ALDH1L1: variants seen among roughly 807,000 people sequenced by gnomAD.
ALDH1L1 encodes aldehyde dehydrogenase 1 family member L1, also known as cytosolic 10-formyltetrahydrofolate dehydrogenase.
A neutral mutation model predicts 101.1 loss-of-function variants in ALDH1L1; 68 were observed. The ratio of observed to expected loss-of-function variants is 0.67; its 90% CI spans 0.55 to 0.82. ALDH1L1 has a LOEUF of 0.82. ALDH1L1 is among the 40% of genes least tolerant of loss of function. The pLI, the probability that ALDH1L1 is intolerant of heterozygous loss-of-function variation, is 0.00. For synonymous variants in ALDH1L1, 486 were observed against 470.8 expected (o/e 1.03, Z -0.42); for missense variants, 1,087 against 1,172.7 (o/e 0.93, Z 1.07).
rs149133160 is a variant in ALDH1L1 at position 126,131,579 on chromosome 3, C to T, written c.1473-45G>A. 386 of 1,576,570 alleles carry T rather than the reference C, an allele frequency of 2.4e-4. 2 individuals are homozygous for T. The highest frequency in any genetic ancestry group is 8.5e-4 in the South Asian group (74 of 87,432). On this transcript the variant is annotated intron_variant, in intron 12 of 22. Transcript: ENST00000393434. The stretch of plus-strand genomic sequence containing the variant: ...GCGGGAGGTGGGCTCAGGCCTGGCA[C>T]GGCCTCATCTGCCCTCACAAGGCCC...
chr3:126,145,587 G>A (rs1473982979), intron 9 of ALDH1L1, among the ~76,000 whole-genome samples: 1 of 152,222 alleles, frequency 6.6e-6, no homozygotes, highest in African/African-American at 2.4e-5. Flanking sequence ...GTCACAGAAG[G>A]ACAAATGCTG....
chr3:126,146,165 G>A (rs1439611819), intron 9 of ALDH1L1, among the ~76,000 whole-genome samples: 11 of 152,174 alleles, frequency 7.2e-5, no homozygotes, highest in African/African-American at 2.7e-4. Flanking sequence ...ATGTGAAGGT[G>A]CAGCACCTGC....
At chr3:126,124,889 C>T (rs1279605279) in intron 15 of ALDH1L1, among the ~76,000 whole-genome samples, 1 of 152,184 alleles carries the variant, frequency 6.6e-6, no homozygotes, top group African/African-American at 2.4e-5. Context: ...CAATGTCAGC[C>T]ATCATTATTG....
chr3:126,118,737 C>G (rs2080023794), intron 16 of ALDH1L1, among the ~76,000 whole-genome samples: 1 of 152,086 alleles, frequency 6.6e-6, no homozygotes, highest in Admixed American at 6.5e-5. Flanking sequence ...TGATCAGGTC[C>G]CCGAGGATGT....
chr3:126,132,590 G>A (rs1388864489), intron 12 of ALDH1L1, among the ~76,000 whole-genome samples: 1 of 152,154 alleles, frequency 6.6e-6, no homozygotes, highest in African/African-American at 2.4e-5. Context: ...TTGCATGTCT[G>A]GGCCCCCTTT....
chr3:126,170,750 C>A (rs1368966629), intron 1 of ALDH1L1, among the ~76,000 whole-genome samples: 1 of 152,188 alleles, frequency 6.6e-6, no homozygotes, highest in Non-Finnish European at 1.5e-5. Context: ...AACACCGCCA[C>A]TTTAAATTCC....
intron 1 of ALDH1L1, among the ~76,000 whole-genome samples, chr3:126,176,676 TACA>T (rs914012835): frequency 6.6e-6 from 1 of 152,122 alleles, no homozygotes; most frequent in African/African-American, 2.4e-5. Context: ...ACTTTTTAGA[TACA>T]ACAACAACAG....
At chr3:126,157,619 G>C (rs1460665224) in intron 3 of ALDH1L1, 111 bp from the exon 4 acceptor site, 1 of 1,243,488 alleles carries the variant, frequency 8.0e-7, no homozygotes, top group Non-Finnish European at 1.1e-6. Context: ...CTTCCCAGGG[G>C]TAGGACTGAC....
chr3:126,109,214 T>C (rs1945991356), intron 20 of ALDH1L1, among the ~76,000 whole-genome samples: 1 of 152,050 alleles, frequency 6.6e-6, no homozygotes, highest in African/African-American at 2.4e-5. Context: ...ACAAAGGAGC[T>C]AGGGGTGAGG....
chr3:126,164,239 T>C (rs6774807), intron 1 of ALDH1L1, among the ~76,000 whole-genome samples: 7,395 of 152,278 alleles, frequency 0.049, 215 homozygotes, highest in Middle Eastern at 0.061. Flanking sequence ...ACAAATGTCC[T>C]ATTCAGGTTT....
chr3:126,138,846 T>C (rs1177881927), intron 9 of ALDH1L1, among the ~76,000 whole-genome samples: 1 of 152,254 alleles, frequency 6.6e-6, no homozygotes, highest in Non-Finnish European at 1.5e-5. Flanking sequence ...TGTATCCCCT[T>C]ATCTAAATAA....
chr3:126,135,258 T>A (rs2080406544), intron 12 of ALDH1L1: 1 of 305,838 alleles, frequency 3.3e-6, no homozygotes, highest in South Asian at 3.6e-5. Context: ...TTTGGAAGCA[T>A]CCCTTGGCTT....
chr3:126,185,047 T>C (rs1034440283), upstream of ALDH1L1, among the ~76,000 whole-genome samples: 1 of 152,138 alleles, frequency 6.6e-6, no homozygotes, highest in African/African-American at 2.4e-5. Flanking sequence ...TTTCTCCATA[T>C]TTCCCCCTTT....
In ALDH1L1 at chr3:126,137,793, A is replaced by T. The variant is rs377532612; in HGVS notation, c.1224+20T>A. The T allele has an allele frequency of 1.6e-4, 256 of 1,610,994 alleles. No homozygotes were observed. The highest frequency in any genetic ancestry group is 2.1e-4 in the Non-Finnish European group (244 of 1,178,720). On this transcript the variant is annotated intron_variant, in intron 10 of 22. Coordinates refer to ENST00000393434, the MANE Select transcript of ALDH1L1 (RefSeq NM_012190.4). ...CTGAGGGCTCTGCAGGGCCTGCTGC[A>T]GGGAGGGCCCAGCACTCACGTAGTC...
chr3:126,118,477 G>A (rs77817232), intron 16 of ALDH1L1, among the ~76,000 whole-genome samples: 224 of 152,222 alleles, frequency 1.5e-3, no homozygotes, highest in African/African-American at 5.1e-3. Context: ...GTGGAGAGCC[G>A]TCTGCAAGCC....
At chr3:126,179,372 A>G (rs757191628) in intron 1 of ALDH1L1, among the ~76,000 whole-genome samples, 12 of 152,224 alleles carry the variant, frequency 7.9e-5, no homozygotes, top group Non-Finnish European at 1.5e-4. Flanking sequence ...CCTGGGGCCC[A>G]TGAATGCAGT....
At chr3:126,195,722 T>C (rs999230165) in intron 1 of ALDH1L1, among the ~76,000 whole-genome samples, 2 of 152,314 alleles carry the variant, frequency 1.3e-5, no homozygotes, top group Non-Finnish European at 2.9e-5. Flanking sequence ...TAAATGTCCA[T>C]CAATGATAGA....
intron 9 of ALDH1L1, among the ~76,000 whole-genome samples, chr3:126,138,794 C>T (rs926431128): frequency 2.6e-5 from 4 of 152,164 alleles, no homozygotes; most frequent in African/African-American, 9.7e-5. Context: ...AAATAAAGGC[C>T]AATGTCTAGA....
At chr3:126,188,083 C>T (rs1178041196) in intron 1 of ALDH1L1, among the ~76,000 whole-genome samples, 1 of 152,142 alleles carries the variant, frequency 6.6e-6, no homozygotes, top group African/African-American at 2.4e-5. Flanking sequence ...GGTTGCAGCT[C>T]AGCATTGTAT....
Sources: gnomAD v4.1 joint callset for allele counts (sites outside exome capture counted in the v4.1 genomes callset) on GRCh38, gnomAD v4.1.1 for gene constraint, MANE v1.5 for transcripts, NCBI Gene and HGNC (gene_info 2026-07-23, HGNC 2026-07-21) for gene names.